The following GULP1 variants were observed in gnomAD, a reference collection of about 807,000 sequenced individuals.
The protein encoded by GULP1 is GULP PTB domain containing engulfment adaptor 1, also known as PTB domain-containing engulfment adapter protein 1.
GULP1 carries 19 observed loss-of-function variants against 40.9 expected under a neutral mutation model. That is an observed-to-expected ratio of 0.46 (90% CI 0.32 to 0.68). GULP1 has a LOEUF of 0.68. Ranked by LOEUF, GULP1 falls within the 30% of genes least tolerant of loss-of-function variation. The pLI, the probability that GULP1 is intolerant of heterozygous loss-of-function variation, is 0.03. For missense variants in GULP1, 312 were observed against 362.2 expected (o/e 0.86, Z 1.12); for synonymous variants, 119 against 117.6 (o/e 1.01, Z -0.08).
At chr2:188,394,759 A>C (rs2050994641) in intron 2 of GULP1, among the ~76,000 whole-genome samples, 1 of 152,174 alleles carries the variant, frequency 6.6e-6, no homozygotes, top group Non-Finnish European at 1.5e-5. Flanking sequence ...ACTTTATGGT[A>C]ACCTAATGCA....
intron 6 of GULP1, among the ~76,000 whole-genome samples, chr2:188,536,830 A>G (rs1221069137): frequency 1.3e-5 from 2 of 152,056 alleles, no homozygotes; most frequent in African/African-American, 4.8e-5. Context: ...ATATTTTTCC[A>G]TTTGTTTCTG....
At chr2:188,476,927 A>G (rs76901327) in intron 2 of GULP1, among the ~76,000 whole-genome samples, 3,103 of 152,246 alleles carry the variant, frequency 0.02, 99 homozygotes, top group African/African-American at 0.071. Flanking sequence ...GTCATTAAAT[A>G]TATAAAATGG....
intron 1 of GULP1, among the ~76,000 whole-genome samples, chr2:188,317,738 A>G (rs911022416): frequency 6.6e-6 from 1 of 151,938 alleles, no homozygotes; most frequent in African/African-American, 2.4e-5. Context: ...TCATGACTAT[A>G]TAACTTAAAA....
At chr2:188,332,450 A>G (rs1193945278) in intron 1 of GULP1, among the ~76,000 whole-genome samples, 1 of 152,152 alleles carries the variant, frequency 6.6e-6, no homozygotes, top group African/African-American at 2.4e-5. Context: ...GGGCTCTGAA[A>G]GTGCTGGGAT....
intron 5 of GULP1, among the ~76,000 whole-genome samples, chr2:188,528,710 A>G (rs1437008239): frequency 6.6e-6 from 1 of 152,192 alleles, no homozygotes; most frequent in Non-Finnish European, 1.5e-5. Context: ...CAAAGAGGGC[A>G]TATTCAACAG....
At chr2:188,432,867 A>G (rs1346761266) in intron 2 of GULP1, among the ~76,000 whole-genome samples, 1 of 152,150 alleles carries the variant, frequency 6.6e-6, no homozygotes. Flanking sequence ...ACATGTCCCT[A>G]CACATAAACA....
intron 2 of GULP1, among the ~76,000 whole-genome samples, chr2:188,401,401 T>C (rs1178631090): frequency 6.6e-6 from 1 of 152,148 alleles, no homozygotes; most frequent in Admixed American, 6.5e-5. Context: ...TGCTTTTATT[T>C]ATGTATTTAT....
intron 4 of GULP1, among the ~76,000 whole-genome samples, chr2:188,504,877 G>A (rs2153173464): frequency 6.6e-6 from 1 of 150,570 alleles, no homozygotes; most frequent in South Asian, 2.1e-4. Flanking sequence ...CTTTCTGAAT[G>A]ATCTCTAGCA....
At chr2:188,319,030 A>G (rs1291906069) in intron 1 of GULP1, among the ~76,000 whole-genome samples, 4 of 151,960 alleles carry the variant, frequency 2.6e-5, no homozygotes, top group Non-Finnish European at 4.4e-5. Flanking sequence ...TTTTCTAAAC[A>G]TTTTTAAATC....
At chr2:188,310,611 G>GTATA in intron 1 of GULP1, among the ~76,000 whole-genome samples, 2 of 152,254 alleles carry the variant, frequency 1.3e-5, no homozygotes, top group East Asian at 3.9e-4. Context: ...GGACATTCAG[G>GTATA]GAGAGGTGCT....
At chr2:188,471,094 T>G (rs1308894577) in intron 2 of GULP1, among the ~76,000 whole-genome samples, 1 of 152,162 alleles carries the variant, frequency 6.6e-6, no homozygotes, top group Non-Finnish European at 1.5e-5. Flanking sequence ...ACCACTTCAT[T>G]ATTATATAGT....
At chr2:188,504,648 TAAAAC>T (rs2063738307) in intron 4 of GULP1, among the ~76,000 whole-genome samples, 1 of 151,830 alleles carries the variant, frequency 6.6e-6, no homozygotes, top group Non-Finnish European at 1.5e-5. Context: ...ATTGTAAAAA[TAAAAC>T]AAATATCCAG....
At position 188,587,858 on chromosome 2, in the gene GULP1, G is replaced by A. The variant is rs374054537; in HGVS notation, c.752G>A (p.Arg251Gln). 87 of 1,579,658 alleles carry A rather than the reference G, an allele frequency of 5.5e-5. 1 individual carries two copies. Among genetic ancestry groups the A allele is most frequent in the Admixed American group, 1.4e-4 (8 of 58,860 alleles). ...PVPSRSTEIK[R>Q]DLFGAEPFDP... ...TAAATTATTTCCTTCCTTGCAGAAC[G>A]GGACCTGTTTGGAGCAGAACCTTTT... Residue 251 changes from arginine to glutamine, a missense_variant, in exon 11 of 12, where the codon CGG becomes CAG. Coordinates refer to ENST00000409830, the MANE Select transcript of GULP1 (RefSeq NM_016315.4).
At chr2:188,325,029 A>ACACACC (rs2040551711) in intron 1 of GULP1, among the ~76,000 whole-genome samples, 2 of 151,998 alleles carry the variant, frequency 1.3e-5, no homozygotes, top group African/African-American at 4.8e-5. Flanking sequence ...ACACATACAC[A>ACACACC]CACACCCACA....
At chr2:188,439,946 G>A (rs1415729334) in intron 2 of GULP1, among the ~76,000 whole-genome samples, 3 of 152,024 alleles carry the variant, frequency 2.0e-5, no homozygotes, top group Non-Finnish European at 2.9e-5. Context: ...AACCTTATTC[G>A]TTTATGCATA....
intron 2 of GULP1, among the ~76,000 whole-genome samples, chr2:188,417,932 C>G (rs1226460213): frequency 6.6e-6 from 1 of 152,104 alleles, no homozygotes; most frequent in South Asian, 2.1e-4. Context: ...CTGGGACTTA[C>G]AGACACATCA....
intron 2 of GULP1, among the ~76,000 whole-genome samples, chr2:188,392,608 C>G (rs1334894724): frequency 6.6e-6 from 1 of 151,674 alleles, no homozygotes; most frequent in East Asian, 1.9e-4. Flanking sequence ...TGCTCTGATC[C>G]TCATTATTCC....
chr2:188,317,780 T>C (rs2039332496), intron 1 of GULP1, among the ~76,000 whole-genome samples: 1 of 147,922 alleles, frequency 6.8e-6, no homozygotes, highest in Non-Finnish European at 1.5e-5. Flanking sequence ...AATATGCTAT[T>C]AAGTGAATTA....
intron 1 of GULP1, among the ~76,000 whole-genome samples, chr2:188,355,845 A>C: frequency 6.6e-6 from 1 of 152,138 alleles, no homozygotes; most frequent in East Asian, 1.9e-4. Context: ...ATGATTATCA[A>C]GTGGGAATTA....
Sources: gnomAD v4.1 joint callset for allele counts (sites outside exome capture counted in the v4.1 genomes callset) on GRCh38, gnomAD v4.1.1 for gene constraint, MANE v1.5 for transcripts, NCBI Gene and HGNC (gene_info 2026-07-23, HGNC 2026-07-21) for gene names.